Variants in CYSLTR2 observed in about 807,000 individuals in gnomAD.
The protein encoded by CYSLTR2 is G-protein coupled receptor GPCR21.
For missense variants in CYSLTR2, 398 were observed against 411.9 expected, an observed-to-expected ratio of 0.97 and a Z score of 0.29; for synonymous variants, 179 against 160.8, an observed-to-expected ratio of 1.11 and a Z score of -0.86.
At chr13:48,654,265 G>T (rs1359544876) in intron 1 of CYSLTR2, among the ~76,000 whole-genome samples, 3 of 100,500 alleles carry the variant, frequency 3.0e-5, no homozygotes, top group African/African-American at 7.4e-5. Flanking sequence ...GTGTGTGTGT[G>T]TGTGTGTGTG....
chr13:48,693,266 G>A (rs560227523), intron 2 of CYSLTR2, among the ~76,000 whole-genome samples, 172 bp from the exon 3 acceptor site: 191 of 151,970 alleles, frequency 1.3e-3, no homozygotes, highest in African/African-American at 4.4e-3. Flanking sequence ...ACTAGTTTTT[G>A]TATTAAAGTA....
chr13:48,689,315 A>G (rs1953976104), intron 1 of CYSLTR2, among the ~76,000 whole-genome samples: 1 of 152,152 alleles, frequency 6.6e-6, no homozygotes, highest in Non-Finnish European at 1.5e-5. Context: ...TGTTTCAGTC[A>G]TGAAGTCTTT....
rs139925532 is a variant in CYSLTR2, at chr13:48,694,287, G to A, written c.-103+777G>A. On this transcript the variant is annotated intron_variant, in intron 3 of 4. Transcript: ENST00000682523. ...ATCCAAAGGCCAAAGTTTGTCTAAA[G>A]CATGTCAGTCCTGAATTCTCAGTCC... 1.5e-3 allele frequency among the ~76,000 whole-genome samples: 223 copies of A among 152,318 alleles called. 1 individual carries two copies. Among genetic ancestry groups the A allele is most frequent in the African/African-American group, 5.0e-3 (207 of 41,566 alleles).
At chr13:48,701,057 C>T (rs1954330299) in intron 4 of CYSLTR2, among the ~76,000 whole-genome samples, 2 of 152,144 alleles carry the variant, frequency 1.3e-5, no homozygotes, top group Admixed American at 1.3e-4. Context: ...GGCCATACTG[C>T]CCAAGGTAAT....
rs1336079080 is a variant in CYSLTR2 at position 48,654,282 on chromosome 13, TGTGTGTGTGTGTGTGTGTGTGTGA to T, written c.-266+286_-266+309del. Among the ~76,000 whole-genome samples, 147 of 115,134 alleles carry T rather than the reference TGTGTGTGTGTGTGTGTGTGTGTGA, an allele frequency of 1.3e-3. 1 individual carries two copies. Among genetic ancestry groups the T allele is most frequent in the African/African-American group, 6.1e-3 (129 of 21,012 alleles). The allele number at this position is 115,134 out of a possible 152,430, so 75.5% of individuals were successfully genotyped here. ...GTGTGTGTGTGTGTGTGTGTGTGTGTGTGTGTGTGTGTGTGTGTGTGTGAGTGTGTGTGTGTGTGTGTGTATGCA... is the reference window on the plus strand; with the variant it reads ...GTGTGTGTGTGTGTGTGTGTGTGTGTGTGTGTGTGTGTGTGTGTGTATGCA... On this transcript the variant is annotated intron_variant, in intron 1 of 4. Coordinates refer to ENST00000682523, the MANE Select transcript of CYSLTR2 (RefSeq NM_001308476.3).
At position 48,684,092 on chromosome 13, in the gene CYSLTR2, T is replaced by A. The variant is rs58314477; in HGVS notation, c.-265-7120T>A. ...CACCACCATACCTGGCTAATTTTTT[T>A]AAATTACTTTTTGTAGAGATCGGGG... On this transcript the variant is annotated intron_variant, in intron 1 of 4. Coordinates refer to ENST00000682523, the MANE Select transcript of CYSLTR2 (RefSeq NM_001308476.3). 4.1e-3 allele frequency among the ~76,000 whole-genome samples: 630 copies of A among 152,016 alleles called. 6 individuals carry two copies. Among genetic ancestry groups the A allele is most frequent in the African/African-American group, 0.014 (576 of 41,390 alleles).
chr13:48,691,713 C>A (rs1394624988), intron 2 of CYSLTR2, among the ~76,000 whole-genome samples: 1 of 151,982 alleles, frequency 6.6e-6, no homozygotes, highest in Non-Finnish European at 1.5e-5. Context: ...AATCGAGAAT[C>A]TTGGAAAAAG....
At chr13:48,669,023 G>A (rs1287213257) in intron 1 of CYSLTR2, among the ~76,000 whole-genome samples, 2 of 151,988 alleles carry the variant, frequency 1.3e-5, no homozygotes, top group South Asian at 2.1e-4. Flanking sequence ...TGGGCATTTG[G>A]GTTTGTTCCA....
chr13:48,676,025 A>G (rs1953586846), intron 1 of CYSLTR2, among the ~76,000 whole-genome samples: 1 of 152,164 alleles, frequency 6.6e-6, no homozygotes, highest in African/African-American at 2.4e-5. Context: ...CCTCAGTTGG[A>G]AATGCAGAAA....
rs567299993 is a variant in CYSLTR2 at position 48,672,699 on chromosome 13, C to A, written c.-265-18513C>A. ...GTGGCACAATTTCAGCTCACTGCAA[C>A]CTCCGCCTCCTGGGTTCATGTCATT... On this transcript the variant is annotated intron_variant, in intron 1 of 4. Transcript: ENST00000682523. 9.3e-5 allele frequency among the ~76,000 whole-genome samples: 14 copies of A among 149,750 alleles called. No homozygotes were observed. In the South Asian group the frequency reaches 3.0e-3, roughly 32 times the overall value.
rs144113733 is a variant in CYSLTR2, at chr13:48,695,194, C to T, written c.-102-1332C>T. 2.8e-3 allele frequency among the ~76,000 whole-genome samples: 418 copies of T among 150,166 alleles called. 3 individuals are homozygous for T. The highest frequency in any genetic ancestry group is 9.6e-3 in the African/African-American group (394 of 41,010). Reference sequence around the variant, plus strand: ...GGTTCAAATGATCCTCTCATCTCAGCCTCCTGAGGAGCTGGGACTACAGGC... The same window carrying T: ...GGTTCAAATGATCCTCTCATCTCAGTCTCCTGAGGAGCTGGGACTACAGGC... On this transcript the variant is annotated intron_variant, in intron 3 of 4. Coordinates refer to ENST00000682523, the MANE Select transcript of CYSLTR2 (RefSeq NM_001308476.3).
chr13:48,666,518 T>C (rs1953265393), intron 1 of CYSLTR2, among the ~76,000 whole-genome samples: 1 of 152,178 alleles, frequency 6.6e-6, no homozygotes, highest in Non-Finnish European at 1.5e-5. Context: ...CTCTTTGCCT[T>C]CTGAAACACC....
At chr13:48,682,853 AT>A (rs1215658416) in intron 1 of CYSLTR2, among the ~76,000 whole-genome samples, 2 of 151,966 alleles carry the variant, frequency 1.3e-5, no homozygotes, top group Non-Finnish European at 1.5e-5. Flanking sequence ...CCCAATAACT[AT>A]TTTTTCTGAT....
intron 4 of CYSLTR2, among the ~76,000 whole-genome samples, chr13:48,702,886 T>C (rs550729155): frequency 6.6e-6 from 1 of 152,290 alleles, no homozygotes; most frequent in Admixed American, 6.5e-5. Context: ...CTGGGGAGAA[T>C]TGACATCTTT....
chr13:48,678,939 A>C (rs892493284), intron 1 of CYSLTR2, among the ~76,000 whole-genome samples: 1 of 152,002 alleles, frequency 6.6e-6, no homozygotes, highest in African/African-American at 2.4e-5. Context: ...TGCCTCCACC[A>C]AACTGTCCTC....
At chr13:48,660,662 AG>A (rs1953105266) in intron 1 of CYSLTR2, among the ~76,000 whole-genome samples, 1 of 152,202 alleles carries the variant, frequency 6.6e-6, no homozygotes, top group Non-Finnish European at 1.5e-5. Context: ...TTGATCTCCA[AG>A]AACTTAATTC....
At chr13:48,674,013 C>T (rs1301983325) in intron 1 of CYSLTR2, among the ~76,000 whole-genome samples, 2 of 152,198 alleles carry the variant, frequency 1.3e-5, no homozygotes, top group African/African-American at 2.4e-5. Context: ...ATGGGCTTCC[C>T]TTTGTGGGTA....
intron 1 of CYSLTR2, among the ~76,000 whole-genome samples, chr13:48,679,106 G>T (rs1418108674): frequency 9.2e-5 from 14 of 152,022 alleles, no homozygotes; most frequent in Non-Finnish European, 4.4e-5. Context: ...GCTTCACCTA[G>T]GCTCTACTAT....
chr13:48,678,602 C>A (rs1259452236), intron 1 of CYSLTR2, among the ~76,000 whole-genome samples: 1 of 152,136 alleles, frequency 6.6e-6, no homozygotes, highest in Non-Finnish European at 1.5e-5. Context: ...GTTCCTCCTC[C>A]CCAGCTATAC....
Sources: allele counts gnomAD v4.1 joint callset (sites outside exome capture counted in the v4.1 genomes callset), GRCh38; gene constraint gnomAD v4.1.1; transcripts MANE v1.5; gene names NCBI Gene and HGNC (gene_info 2026-07-23, HGNC 2026-07-21).